CFAP299: variants seen among roughly 807,000 people sequenced by gnomAD.
The protein encoded by CFAP299 is cilia and flagella associated protein 299, also known as cilia- and flagella-associated protein 299.
A neutral mutation model predicts 27.0 loss-of-function variants in CFAP299; 21 were observed. The ratio of observed to expected loss-of-function variants is 0.78; its 90% CI spans 0.55 to 1.12. CFAP299 has a LOEUF of 1.12. CFAP299 is among the 50% of genes most tolerant of loss of function. CFAP299 has a pLI of 0.00. For synonymous variants in CFAP299, 104 were observed against 98.1 expected (o/e 1.06, Z -0.36); for missense variants, 310 against 276.6 (o/e 1.12, Z -0.86).
At chr4:80,560,929 C>T (rs1373451043) in intron 2 of CFAP299, among the ~76,000 whole-genome samples, 3 of 152,158 alleles carry the variant, frequency 2.0e-5, no homozygotes, top group Non-Finnish European at 4.4e-5. Flanking sequence ...TCTGGCTTTG[C>T]CACTGGCTGA....
chr4:80,642,194 T>G (rs576267261), intron 3 of CFAP299, among the ~76,000 whole-genome samples: 1 of 152,276 alleles, frequency 6.6e-6, no homozygotes, highest in Admixed American at 6.5e-5. Flanking sequence ...TGTAAAGCTA[T>G]GGAAGGATAC....
chr4:80,711,030 G>T (rs887643897), intron 3 of CFAP299, among the ~76,000 whole-genome samples: 4 of 152,178 alleles, frequency 2.6e-5, no homozygotes, highest in African/African-American at 4.8e-5. Context: ...ACATGGGAAG[G>T]CTCATCATTT....
At chr4:80,847,593 G>C (rs899172295) in intron 3 of CFAP299, among the ~76,000 whole-genome samples, 9 of 152,188 alleles carry the variant, frequency 5.9e-5, no homozygotes, top group African/African-American at 2.2e-4. Context: ...AAATCTGACT[G>C]ATGCACTAAC....
intron 3 of CFAP299, among the ~76,000 whole-genome samples, chr4:80,601,434 C>T (rs970838412): frequency 6.6e-6 from 1 of 152,054 alleles, no homozygotes; most frequent in Non-Finnish European, 1.5e-5. Context: ...AGTTTGAGGG[C>T]ATTATTTACT....
At chr4:80,838,974 C>G (rs893113354) in intron 3 of CFAP299, among the ~76,000 whole-genome samples, 2 of 152,116 alleles carry the variant, frequency 1.3e-5, no homozygotes, top group Non-Finnish European at 2.9e-5. Context: ...GACTGATCGT[C>G]CTAGACAACA....
upstream of CFAP299, among the ~76,000 whole-genome samples, chr4:80,332,807 C>T (rs1413449157): frequency 6.6e-6 from 1 of 152,120 alleles, no homozygotes; most frequent in Non-Finnish European, 1.5e-5. Context: ...TTCACAGGTG[C>T]TATGTTCTGA....
intron 1 of CFAP299, among the ~76,000 whole-genome samples, chr4:80,340,036 C>T (rs1367865410): frequency 3.9e-5 from 6 of 152,060 alleles, no homozygotes; most frequent in African/African-American, 1.4e-4. Flanking sequence ...TGGGGAGGGG[C>T]CAAGATGGCT....
intron 2 of CFAP299, among the ~76,000 whole-genome samples, chr4:80,390,888 T>C (rs1449724534): frequency 1.6e-5 from 1 of 64,356 alleles, no homozygotes; most frequent in Admixed American, 2.4e-4. Flanking sequence ...TATATATGTA[T>C]ATACACACAT....
Position 80,581,453 on chromosome 4 carries a change from G to GATATATATATATATATATATATAT in CFAP299, c.243-1627_243-1604dup, listed in dbSNP as rs70944794. Among the ~76,000 whole-genome samples, 95 of 102,982 alleles carry GATATATATATATATATATATATAT rather than the reference G, an allele frequency of 9.2e-4. 2 individuals carry two copies. Among genetic ancestry groups the GATATATATATATATATATATATAT allele is most frequent in the East Asian group, 2.4e-3 (8 of 3,308 alleles). The allele number at this position is 102,982 out of a possible 152,430, so 67.6% of individuals were successfully genotyped here. Reference sequence around the variant, plus strand: ...TGATATATATATAGATATTAAGTGAGATATATATATATATATATATATATA... The same window carrying GATATATATATATATATATATATAT: ...TGATATATATATAGATATTAAGTGAGATATATATATATATATATATATATATATATATATATATATATATATATA... On this transcript the variant is annotated intron_variant, in intron 2 of 5. Coordinates refer to ENST00000358105, the MANE Select transcript of CFAP299 (RefSeq NM_152770.3).
At chr4:80,680,185 T>C (rs1719749749) in intron 3 of CFAP299, among the ~76,000 whole-genome samples, 1 of 152,124 alleles carries the variant, frequency 6.6e-6, no homozygotes, top group South Asian at 2.1e-4. Flanking sequence ...TCTCTTTCTA[T>C]CAAATCTTTA....
At chr4:80,901,720 C>T (rs980244944) in intron 4 of CFAP299, among the ~76,000 whole-genome samples, 2 of 152,114 alleles carry the variant, frequency 1.3e-5, no homozygotes, top group African/African-American at 4.8e-5. Flanking sequence ...GCCCCAATCA[C>T]TGCCAGCAAT....
chr4:80,464,245 A>G (rs960198342), intron 2 of CFAP299, among the ~76,000 whole-genome samples: 1 of 152,168 alleles, frequency 6.6e-6, no homozygotes, highest in Non-Finnish European at 1.5e-5. Flanking sequence ...ATTTACTTAC[A>G]TTGCTAGGAC....
chr4:80,359,135 T>C (rs1440938637), intron 1 of CFAP299, among the ~76,000 whole-genome samples: 1 of 152,196 alleles, frequency 6.6e-6, no homozygotes, highest in East Asian at 1.9e-4. Flanking sequence ...TTAAGAATGT[T>C]GAATATTGGC....
chr4:80,697,096 C>T (rs1387972579), intron 3 of CFAP299, among the ~76,000 whole-genome samples: 1 of 151,980 alleles, frequency 6.6e-6, no homozygotes, highest in Non-Finnish European at 1.5e-5. Context: ...GTAATCCCAG[C>T]ACTTTGGGAG....
intron 2 of CFAP299, among the ~76,000 whole-genome samples, chr4:80,509,063 G>A (rs1176686252): frequency 6.6e-6 from 1 of 152,120 alleles, no homozygotes; most frequent in African/African-American, 2.4e-5. Flanking sequence ...GACCCCAGAT[G>A]TTTCCATGCT....
intron 2 of CFAP299, among the ~76,000 whole-genome samples, chr4:80,384,844 G>A (rs1051516463): frequency 5.3e-5 from 8 of 152,072 alleles, no homozygotes; most frequent in Non-Finnish European, 7.4e-5. Context: ...TTATTACCAT[G>A]AGTCCCTGCT....
intron 1 of CFAP299, among the ~76,000 whole-genome samples, chr4:80,351,886 AATT>A (rs1205295419): frequency 1.4e-4 from 21 of 150,294 alleles, no homozygotes; most frequent in African/African-American, 3.1e-4. Context: ...ATTTATTAAT[AATT>A]ATGATTTATA....
At position 80,529,028 on chromosome 4, in the gene CFAP299, T is replaced by C. The variant is rs531258905; in HGVS notation, c.243-54065T>C. ...TTGCCTGGATTATTTCTATAGCTTCTTTACTTGCCTTCAAAATTTCTCCAT... is the reference window on the plus strand; with the variant it reads ...TTGCCTGGATTATTTCTATAGCTTCCTTACTTGCCTTCAAAATTTCTCCAT... On this transcript the variant is annotated intron_variant, in intron 2 of 5. Transcript: ENST00000358105. Among the ~76,000 whole-genome samples the C allele has an allele frequency of 7.2e-5, 11 of 152,290 alleles. 1 individual carries two copies. The East Asian group carries it at 2.1e-3, about 29-fold the overall frequency.
chr4:80,948,591 T>A (rs564542227), intron 5 of CFAP299, among the ~76,000 whole-genome samples: 1 of 152,102 alleles, frequency 6.6e-6, no homozygotes, highest in East Asian at 1.9e-4. Flanking sequence ...TTGCTTTGAG[T>A]CTTACCATAG....
Sources: allele counts gnomAD v4.1 joint callset (sites outside exome capture counted in the v4.1 genomes callset), GRCh38; gene constraint gnomAD v4.1.1; transcripts MANE v1.5; gene names NCBI Gene and HGNC (gene_info 2026-07-23, HGNC 2026-07-21).